The following TMPRSS11A variants were observed in gnomAD, a reference collection of about 807,000 sequenced individuals.
TMPRSS11A encodes transmembrane serine protease 11A, also known as transmembrane protease serine 11A.
TMPRSS11A carries 53 observed loss-of-function variants against 58.9 expected under a neutral mutation model. The ratio of observed to expected loss-of-function variants is 0.90; its 90% CI spans 0.72 to 1.13. The LOEUF is 1.13. Among genes scored for constraint, TMPRSS11A ranks in the 50% most tolerant of loss-of-function variants. The pLI is 0.00. For missense variants in TMPRSS11A, 493 were observed against 499.3 expected, an observed-to-expected ratio of 0.99 and a Z score of 0.12; for synonymous variants, 167 against 169.8, an observed-to-expected ratio of 0.98 and a Z score of 0.13.
At chr4:67,919,507 A>T (rs1412892928) in intron 7 of TMPRSS11A, among the ~76,000 whole-genome samples, 1 of 152,178 alleles carries the variant, frequency 6.6e-6, no homozygotes, top group Non-Finnish European at 1.5e-5. Context: ...TTCCACAAAT[A>T]TTTACTGAGC....
At position 67,948,155 on chromosome 4, in the gene TMPRSS11A, T is replaced by C. The variant is rs1402520623; in HGVS notation, c.12-1584A>G. On this transcript the variant is annotated intron_variant, in intron 1 of 9. Coordinates refer to ENST00000508048, the MANE Select transcript of TMPRSS11A (RefSeq NM_001114387.2). Reference sequence around the variant, plus strand: ...TATAAAACAGTTTTTTTCTTTTTTTTTTTTTTTTTTTTTGAGACGGAGTCT... The same window carrying C: ...TATAAAACAGTTTTTTTCTTTTTTTCTTTTTTTTTTTTTGAGACGGAGTCT... Among the ~76,000 whole-genome samples the C allele has an allele frequency of 2.5e-4, 35 of 142,494 alleles. 1 individual carries two copies. Among genetic ancestry groups the C allele is most frequent in the East Asian group, 6.0e-4 (3 of 4,974 alleles). The allele number at this position is 142,494 out of a possible 152,430, so 93.5% of individuals were successfully genotyped here.
intron 1 of TMPRSS11A, among the ~76,000 whole-genome samples, chr4:67,952,097 A>G (rs1187073982): frequency 6.6e-6 from 1 of 152,242 alleles, no homozygotes; most frequent in Non-Finnish European, 1.5e-5. Context: ...TAGAACTGCT[A>G]TTTAGGAAGT....
chr4:67,946,714 G>T (rs1721025807), intron 1 of TMPRSS11A, 143 bp from the exon 2 acceptor site: 1 of 682,464 alleles, frequency 1.5e-6, no homozygotes, highest in Non-Finnish European at 2.1e-6. Context: ...ATCTTGGTCT[G>T]AGAAGATGTG....
intron 3 of TMPRSS11A, among the ~76,000 whole-genome samples, chr4:67,941,818 G>A (rs1337699854): frequency 6.6e-6 from 1 of 152,134 alleles, no homozygotes; most frequent in African/African-American, 2.4e-5. Context: ...TCTTAGAAGG[G>A]AAGAAGGACT....
In TMPRSS11A at chr4:67,919,181, A is replaced by T. The variant is rs765667596; in HGVS notation, c.744T>A (p.Pro248=). ...TTCTGACATTTCTTTTCATTAAGGG[A>T]GGGTTGATTTTTGTTCCAAAACTAA... is the stretch of plus-strand genomic sequence containing the variant. The part of the protein sequence containing the change: ...WTVSFGTKIN[P]PLMKRNVRRF... Residue 248 remains proline, a synonymous_variant, in exon 8 of 10, where the codon CCT becomes CCA. Coordinates refer to ENST00000508048, the MANE Select transcript of TMPRSS11A (RefSeq NM_001114387.2). The T allele has an allele frequency of 3.1e-6, 5 of 1,614,098 alleles. No individual in the cohort carries two copies. Among genetic ancestry groups the T allele is most frequent in the Non-Finnish European group, 4.2e-6 (5 of 1,179,974 alleles).
At chr4:67,954,869 C>T (rs141764518) in intron 1 of TMPRSS11A, among the ~76,000 whole-genome samples, 3 of 152,224 alleles carry the variant, frequency 2.0e-5, no homozygotes, top group East Asian at 1.9e-4. Flanking sequence ...AAATTGATAC[C>T]TATCTCATAG....
In TMPRSS11A at chr4:67,919,068, T is replaced by C. The variant is rs947111193; in HGVS notation, c.857A>G (p.Asp286Gly). 1 of 1,614,186 alleles carries C rather than the reference T, an allele frequency of 6.2e-7. No homozygotes were observed. The highest frequency in any genetic ancestry group is 1.3e-5 in the African/African-American group (1 of 75,052). The change falls in exon 8 of 10, where the codon GAT becomes GGT. Residue 286 changes from aspartate to glycine, a missense_variant. By Grantham distance (94) the Asp-to-Gly change is moderately conservative. Coordinates refer to ENST00000508048, the MANE Select transcript of TMPRSS11A (RefSeq NM_001114387.2). The stretch of plus-strand genomic sequence containing the variant: ...TGGCAAACAAATCTGGCGTATGTCA[T>C]CCGAAAAGGTGACTCTGGAAGAGAC... ...VQVSSRVTFS[D>G]DIRQICLPEA...
chr4:67,962,233 G>T (rs986140514), intron 1 of TMPRSS11A, among the ~76,000 whole-genome samples: 6 of 152,064 alleles, frequency 3.9e-5, no homozygotes, highest in Admixed American at 6.6e-5. Flanking sequence ...CTTTCTGAGG[G>T]TCTCAGAGAC....
chr4:67,937,238 C>A (rs1207247632), intron 3 of TMPRSS11A, among the ~76,000 whole-genome samples: 2 of 152,120 alleles, frequency 1.3e-5, no homozygotes, highest in Non-Finnish European at 2.9e-5. Flanking sequence ...CACCTTTCTT[C>A]CAACTATAGA....
At chr4:67,946,077 T>G (rs1720995937) in intron 2 of TMPRSS11A, among the ~76,000 whole-genome samples, 3 of 152,138 alleles carry the variant, frequency 2.0e-5, no homozygotes, top group South Asian at 4.1e-4. Flanking sequence ...AATAACTAAT[T>G]TATCATAACT....
Position 67,944,534 on chromosome 4 carries a change from C to T in TMPRSS11A, c.237G>A (p.Glu79=). ...CCTGACTCACCAAATTTTCGGTCGT[C>T]TCTCGTAAGTCCTTAAGTTGATATG... ...SNTYQLKDLR[E]TTENLVDEIF... Residue 79 remains glutamate, a synonymous_variant, in exon 3 of 10, where the codon GAG becomes GAA. Transcript: ENST00000508048. The T allele has an allele frequency of 6.2e-7, 1 of 1,608,938 alleles. No individual in the cohort carries two copies. Among genetic ancestry groups the T allele is most frequent in the Non-Finnish European group, 8.5e-7 (1 of 1,177,946 alleles).
chr4:67,936,601 G>A (rs1720761371), intron 3 of TMPRSS11A, among the ~76,000 whole-genome samples: 1 of 152,124 alleles, frequency 6.6e-6, no homozygotes, highest in South Asian at 2.1e-4. Flanking sequence ...ATCATCAAAT[G>A]GGATGTGATA....
chr4:67,920,551 T>TATA (rs58054364), intron 7 of TMPRSS11A, among the ~76,000 whole-genome samples: 41 of 80,066 alleles, frequency 5.1e-4, no homozygotes, highest in South Asian at 1.1e-3. Flanking sequence ...ATATATATAT[T>TATA]TTTTTTTATA....
intron 1 of TMPRSS11A, among the ~76,000 whole-genome samples, chr4:67,954,432 C>G (rs1049944507): frequency 6.6e-6 from 1 of 152,220 alleles, no homozygotes; most frequent in Non-Finnish European, 1.5e-5. Flanking sequence ...TAGCATCCAT[C>G]TGACCCTAAT....
rs1405623733 is a variant in TMPRSS11A at position 67,944,558 on chromosome 4, T to C, written c.213A>G (p.Thr71=). The C allele has an allele frequency of 1.2e-6, 2 of 1,613,098 alleles. No homozygotes were observed. Among genetic ancestry groups the C allele is most frequent in the Non-Finnish European group, 1.7e-6 (2 of 1,179,296 alleles). Residue 71 remains threonine, a synonymous_variant, in exon 3 of 10, where the codon ACA becomes ACG. Transcript: ENST00000508048. The part of the protein sequence containing the change: ...QINNNFGQSN[T]YQLKDLRETT... Reference sequence around the variant, plus strand: ...TCTCTCGTAAGTCCTTAAGTTGATATGTGTTGCTTTGTCCGAAATTGTTAT... The same window carrying C: ...TCTCTCGTAAGTCCTTAAGTTGATACGTGTTGCTTTGTCCGAAATTGTTAT...
intron 3 of TMPRSS11A, among the ~76,000 whole-genome samples, chr4:67,932,275 A>T (rs752446800): frequency 2.0e-5 from 3 of 152,134 alleles, no homozygotes; most frequent in Non-Finnish European, 4.4e-5. Flanking sequence ...TTTGGTTTCG[A>T]TTGGTCTAGA....
At chr4:67,961,504 T>TGAGACAGAG (rs1721426089) in intron 1 of TMPRSS11A, among the ~76,000 whole-genome samples, 3 of 20,214 alleles carry the variant, frequency 1.5e-4, no homozygotes, top group Admixed American at 1.8e-3. Flanking sequence ...TTTTTTTTTT[T>TGAGACAGAG]TTTTTTTTTT....
At chr4:67,918,769 G>A (rs1001242686) in intron 8 of TMPRSS11A, among the ~76,000 whole-genome samples, 2 of 152,126 alleles carry the variant, frequency 1.3e-5, no homozygotes, top group African/African-American at 2.4e-5. Context: ...CAAATTACAT[G>A]AGCCAAATTT....
chr4:67,917,004 T>A (rs935187082), intron 8 of TMPRSS11A, among the ~76,000 whole-genome samples: 2 of 152,086 alleles, frequency 1.3e-5, no homozygotes, highest in Non-Finnish European at 2.9e-5. Flanking sequence ...ATTCTGGACA[T>A]CCCTGAGCTA....
Sources: allele counts gnomAD v4.1 joint callset (sites outside exome capture counted in the v4.1 genomes callset), GRCh38; gene constraint gnomAD v4.1.1; transcripts MANE v1.5; gene names NCBI Gene and HGNC (gene_info 2026-07-23, HGNC 2026-07-21).